Variants in PRMT8 observed in about 807,000 individuals in gnomAD.
PRMT8 encodes protein arginine methyltransferase 8, also known as protein arginine N-methyltransferase 8.
PRMT8 carries 7 observed loss-of-function variants against 47.1 expected under a neutral mutation model. The observed-to-expected ratio is 0.15, with a 90% CI of 0.08 to 0.28. The LOEUF is 0.28. PRMT8 is among the 10% of genes least tolerant of loss of function. PRMT8 has a pLI of 1.00. For synonymous variants in PRMT8, 188 were observed against 186.5 expected, an observed-to-expected ratio of 1.01 and a Z score of -0.07; for missense variants, 237 against 505.4, an observed-to-expected ratio of 0.47 and a Z score of 5.09.
At chr12:3,554,139 C>G (rs1327486074) in intron 4 of PRMT8, among the ~76,000 whole-genome samples, 1 of 152,380 alleles carries the variant, frequency 6.6e-6, no homozygotes, top group Middle Eastern at 3.4e-3. Context: ...TGGTCCTCCA[C>G]TGCCCACGAG....
At position 3,540,613 on chromosome 12, in the gene PRMT8, G is replaced by GGCCCCCCCCCCCC; in HGVS notation, c.83_84insGCCCCCCCCCCCC (p.Ser28ArgfsTer18). 2.7e-6 allele frequency: 3 copies of GGCCCCCCCCCCCC among 1,130,522 alleles called. No individual in the cohort carries two copies. Among genetic ancestry groups the GGCCCCCCCCCCCC allele is most frequent in the Non-Finnish European group, 2.7e-6 (2 of 752,492 alleles). The allele number at this position is 1,130,522 out of a possible 1,614,324, so 70.0% of individuals were successfully genotyped here. ...CCCTTCTCTTCCCCTCAGGTGAACA[G>GGCCCCCCCCCCCC]CCCCCCCTCCCAGCCCCCCCAGCCC... is the stretch of plus-strand genomic sequence containing the variant. On this transcript the variant is annotated frameshift_variant, in exon 2 of 10. Coordinates refer to ENST00000382622, the MANE Select transcript of PRMT8 (RefSeq NM_019854.5). LOFTEE classifies it high-confidence loss of function.
intron 1 of PRMT8, among the ~76,000 whole-genome samples, chr12:3,394,653 G>A (rs1033122533): frequency 2.0e-5 from 3 of 152,144 alleles, no homozygotes; most frequent in African/African-American, 7.2e-5. Flanking sequence ...GTTCATCAAG[G>A]ATATTGGTCT....
intron 1 of PRMT8, among the ~76,000 whole-genome samples, chr12:3,482,802 A>G (rs777500916): frequency 1.3e-5 from 2 of 152,326 alleles, no homozygotes; most frequent in Non-Finnish European, 1.5e-5. Flanking sequence ...GAGGTCCACA[A>G]TGAGCCTGGT....
intron 1 of PRMT8, among the ~76,000 whole-genome samples, chr12:3,522,743 A>G (rs1019800280): frequency 1.3e-5 from 2 of 151,926 alleles, no homozygotes; most frequent in Non-Finnish European, 2.9e-5. Flanking sequence ...TAGCTAAACA[A>G]GGGTAAATAC....
At chr12:3,520,758 C>G (rs569340671) in intron 1 of PRMT8, among the ~76,000 whole-genome samples, 2 of 152,174 alleles carry the variant, frequency 1.3e-5, no homozygotes, top group Non-Finnish European at 2.9e-5. Flanking sequence ...CTTAGCCAGG[C>G]CCTGAAGCTC....
chr12:3,414,726 A>T (rs1434043440), intron 1 of PRMT8, among the ~76,000 whole-genome samples: 1 of 151,976 alleles, frequency 6.6e-6, no homozygotes, highest in African/African-American at 2.4e-5. Context: ...TGGGATGGGG[A>T]GTTGGAAAGG....
chr12:3,408,196 C>T (rs1169472617), intron 1 of PRMT8, among the ~76,000 whole-genome samples: 1 of 149,758 alleles, frequency 6.7e-6, no homozygotes, highest in Non-Finnish European at 1.5e-5. Context: ...TCCTCCCTTC[C>T]TCCCTCCCTC....
At chr12:3,429,062 A>G (rs1374184318) in intron 1 of PRMT8, among the ~76,000 whole-genome samples, 1 of 150,470 alleles carries the variant, frequency 6.6e-6, no homozygotes, top group Non-Finnish European at 1.5e-5. Flanking sequence ...CTTTGTCTCT[A>G]TGTCTCTTCC....
rs71534231 is a variant in PRMT8 at position 3,583,087 on chromosome 12, A to G, written c.858A>G (p.Glu286=). The G allele has an allele frequency of 2.5e-3, 4,087 of 1,614,122 alleles. 15 individuals are homozygous for G. Among genetic ancestry groups the G allele is most frequent in the Non-Finnish European group, 3.2e-3 (3,756 of 1,180,004 alleles). ...TGGACATTTACACAGTGAAGACGGA[A>G]GAGCTATCGTTCACATCTGCATTCT... ...KEVDIYTVKT[E]ELSFTSAFCL... Residue 286 remains glutamate, a synonymous_variant, in exon 8 of 10, where the codon GAA becomes GAG. Transcript: ENST00000382622. This position sits in a 1 kb window ranked among gnomAD's most constrained non-coding sequence, Gnocchi z 4.7.
Position 3,535,430 on chromosome 12 carries a change from G to A in PRMT8, c.76-5176G>A, listed in dbSNP as rs1327604104. On this transcript the variant is annotated intron_variant, in intron 1 of 9. Coordinates refer to ENST00000382622, the MANE Select transcript of PRMT8 (RefSeq NM_019854.5). The surrounding 1 kb of genome is among the most constrained non-coding windows in gnomAD (Gnocchi z 4.7). The stretch of plus-strand genomic sequence containing the variant: ...GTGGTGAGTCGAAGGCAAATCACAA[G>A]TATTGACAGTGGAGGGTGATTCTCA... Among the ~76,000 whole-genome samples, 45 of 152,218 alleles carry A rather than the reference G, an allele frequency of 3.0e-4. No homozygotes were observed. Among genetic ancestry groups the A allele is most frequent in the Admixed American group, 2.9e-3 (45 of 15,292 alleles).
In PRMT8 at chr12:3,569,205, T is replaced by C. The variant is rs1036199491; in HGVS notation, c.625-272T>C. Reference sequence around the variant, plus strand: ...TCATCTGGGCTTCTCCAGGCCAAAGTCGTAACATCTCTCACTGCTCCTCAC... The same window carrying C: ...TCATCTGGGCTTCTCCAGGCCAAAGCCGTAACATCTCTCACTGCTCCTCAC... On this transcript the variant is annotated intron_variant, in intron 5 of 9. Coordinates refer to ENST00000382622, the MANE Select transcript of PRMT8 (RefSeq NM_019854.5). The surrounding 1 kb of genome is among the most constrained non-coding windows in gnomAD (Gnocchi z 8.2). Among the ~76,000 whole-genome samples, 1 of 152,204 alleles carries C rather than the reference T, an allele frequency of 6.6e-6. No individual in the cohort carries two copies. The highest frequency in any genetic ancestry group is 1.5e-5 in the Non-Finnish European group (1 of 68,022).
chr12:3,516,401 G>A (rs557699219), intron 1 of PRMT8, among the ~76,000 whole-genome samples: 3 of 152,304 alleles, frequency 2.0e-5, no homozygotes, highest in South Asian at 4.1e-4. Flanking sequence ...TTCACTCAGC[G>A]TAAGAGACAG....
intron 4 of PRMT8, among the ~76,000 whole-genome samples, chr12:3,559,941 G>T (rs1030301349): frequency 6.6e-6 from 1 of 152,206 alleles, no homozygotes. Context: ...ATGCTACCGA[G>T]GCAAAGGCTT....
chr12:3,389,536 T>G (rs2137044896), intron 1 of PRMT8, among the ~76,000 whole-genome samples: 1 of 152,278 alleles, frequency 6.6e-6, no homozygotes. Flanking sequence ...ATATGCCAGA[T>G]CCTGTGCTGG....
intron 4 of PRMT8, among the ~76,000 whole-genome samples, chr12:3,554,524 C>T (rs1376821068): frequency 6.6e-6 from 1 of 152,184 alleles, no homozygotes; most frequent in Non-Finnish European, 1.5e-5. Flanking sequence ...AGTTGCAATA[C>T]AGACAGGGAG....
At position 3,566,305 on chromosome 12, in the gene PRMT8, C is replaced by G. The variant is rs563900520; in HGVS notation, c.482-2401C>G. On this transcript the variant is annotated intron_variant, in intron 4 of 9. Transcript: ENST00000382622. This position sits in a 1 kb window ranked among gnomAD's most constrained non-coding sequence, Gnocchi z 4.7. ...TTCTTAGTGCACCCTGGGCCCTGCT[C>G]TCAGTTGAGTTCCTGCCCTGGGGTC... is the stretch of plus-strand genomic sequence containing the variant. Among the ~76,000 whole-genome samples, 4 of 152,212 alleles carry G rather than the reference C, an allele frequency of 2.6e-5. No homozygotes were observed. The highest frequency in any genetic ancestry group is 5.9e-5 in the Non-Finnish European group (4 of 68,046).
chr12:3,548,848 G>T (rs892890230), intron 2 of PRMT8, among the ~76,000 whole-genome samples: 1 of 152,176 alleles, frequency 6.6e-6, no homozygotes, highest in African/African-American at 2.4e-5. Flanking sequence ...CAAGGGAAAT[G>T]AAAACATATC....
chr12:3,588,816 A>C (rs546795851), intron 8 of PRMT8, among the ~76,000 whole-genome samples: 4 of 152,332 alleles, frequency 2.6e-5, no homozygotes, highest in African/African-American at 9.6e-5. Flanking sequence ...TGCTAAGAGC[A>C]GGGAGGCATC....
In PRMT8 at chr12:3,421,646, C is replaced by T. The variant is rs74057403; in HGVS notation, c.48+40204C>T. On this transcript the variant is annotated intron_variant, in intron 1 of 9. Coordinates refer to the PRMT8 transcript ENST00000452611. ...AGAGCCTGATATGTGTCCCTGGGGACAAATAGGACTTGCTGTTGAGTCCTC... is the reference window on the plus strand; with the variant it reads ...AGAGCCTGATATGTGTCCCTGGGGATAAATAGGACTTGCTGTTGAGTCCTC... Among the ~76,000 whole-genome samples the T allele has an allele frequency of 4.2e-3, 634 of 152,330 alleles. 2 individuals carry two copies. The highest frequency in any genetic ancestry group is 0.014 in the African/African-American group (598 of 41,582).
Sources: gnomAD v4.1 joint callset for allele counts (sites outside exome capture counted in the v4.1 genomes callset) on GRCh38, gnomAD v4.1.1 for gene constraint, Gnocchi (gnomAD v3.1) non-coding constraint, MANE v1.5 for transcripts, NCBI Gene and HGNC (gene_info 2026-07-23, HGNC 2026-07-21) for gene names.